CCT8: variants seen among roughly 807,000 people sequenced by gnomAD.
CCT8 encodes the protein chaperonin containing TCP1 subunit 8.
In CCT8, 10 loss-of-function variants were observed where a neutral mutation model predicts 65.7. That is an observed-to-expected ratio of 0.15 (90% confidence interval 0.09 to 0.26). The LOEUF is 0.26. CCT8 is among the 10% of genes least tolerant of loss of function. The pLI is 1.00. For missense variants in CCT8, 568 were observed against 669.1 expected, an observed-to-expected ratio of 0.85 and a Z score of 1.67; for synonymous variants, 199 against 221.8, an observed-to-expected ratio of 0.90 and a Z score of 0.92.
chr21:29,069,568 C>A, intron 2 of CCT8, 66 bp from the exon 3 acceptor site: 5 of 892,142 alleles, frequency 5.6e-6, no homozygotes, highest in Admixed American at 2.7e-5. Flanking sequence ...CCCAAATACC[C>A]AGGAAAATCT....
In CCT8 at chr21:29,063,420, T is replaced by G. The variant is rs199710268; in HGVS notation, c.873A>C (p.Val291=). ...KAIADTGANV[V]VTGGKVADMA... The stretch of plus-strand genomic sequence containing the variant: ...TGTCTGCCACTTTGCCACCTGTTAC[T>G]ACGACATTTGCACCAGTATCAGCAA... Residue 291 remains valine (V), a synonymous_variant, in exon 8 of 15, where the codon GTA becomes GTC. Coordinates refer to ENST00000286788, the MANE Select transcript of CCT8 (RefSeq NM_006585.4). The G allele has an allele frequency of 4.3e-6, 7 of 1,613,982 alleles. No individual in the cohort carries two copies. Among genetic ancestry groups the G allele is most frequent in the Admixed American group, 1.7e-5 (1 of 60,010 alleles).
At chr21:29,059,692 T>C (rs1481893550) in intron 14 of CCT8, 1 of 152,224 alleles carries the variant, frequency 6.6e-6, no homozygotes, top group Non-Finnish European at 1.5e-5. Flanking sequence ...TACATAAACA[T>C]CTAGTTTCTG....
At chr21:29,064,211 A>G (rs2085594920) in intron 7 of CCT8, among the ~76,000 whole-genome samples, 1 of 151,600 alleles carries the variant, frequency 6.6e-6, no homozygotes, top group African/African-American at 2.4e-5. Flanking sequence ...CATGCCTGTA[A>G]TCCTAGCACT....
intron 14 of CCT8, among the ~76,000 whole-genome samples, chr21:29,058,872 G>A (rs190631514): frequency 6.0e-4 from 91 of 152,120 alleles, no homozygotes; most frequent in South Asian, 2.1e-3. Context: ...GATTACAGGC[G>A]TGAGCCACCG....
At chr21:29,073,034 T>C (rs1180642033) in intron 1 of CCT8, among the ~76,000 whole-genome samples, 1 of 152,216 alleles carries the variant, frequency 6.6e-6, no homozygotes, top group Non-Finnish European at 1.5e-5. Flanking sequence ...CTGAAAGCCG[T>C]ATGTTTCTCA....
chr21:29,061,372 C>T lies in CCT8; in HGVS notation c.1330G>A (p.Ala444Thr). The change falls in exon 13 of 15, where the codon GCA becomes ACA. Residue 444 changes from alanine (A) to threonine (T), a missense_variant. Coordinates refer to ENST00000286788, the MANE Select transcript of CCT8 (RefSeq NM_006585.4). ...AGTGCGCGGGGAATAGCTTCAAATG[C>T]CTCAGCAAACTTCTTAATAGCATAC... ...EQYAIKKFAE[A>T]FEAIPRALAE... 1.9e-6 allele frequency: 3 copies of T among 1,613,984 alleles called. No homozygotes were observed. In the South Asian group the frequency reaches 3.3e-5, roughly 18 times the overall value.
At chr21:29,072,069 G>C in intron 1 of CCT8, 1 of 654,050 alleles carries the variant, frequency 1.5e-6, no homozygotes, top group Non-Finnish European at 2.7e-6. Flanking sequence ...GTTAGTCCCT[G>C]AGCCTGGCAT....
At chr21:29,062,653 T>A in intron 8 of CCT8, 97 bp from the exon 9 acceptor site, 1 of 887,338 alleles carries the variant, frequency 1.1e-6, no homozygotes, top group Non-Finnish European at 1.8e-6. Context: ...AGCCCCCATG[T>A]CACATTCCTT....
intron 14 of CCT8, chr21:29,057,968 A>G (rs1303723460): frequency 6.6e-6 from 1 of 151,872 alleles, no homozygotes; most frequent in African/African-American, 2.4e-5. Flanking sequence ...TGAGCTGATT[A>G]TGATTGTGCC....
In CCT8 at chr21:29,056,585, T is replaced by A. The variant is rs1482780155; in HGVS notation, c.1570-33A>T. The A allele has an allele frequency of 3.7e-6, 5 of 1,351,226 alleles. No individual in the cohort carries two copies. The African/African-American group carries it at 5.9e-5, about 16-fold the overall frequency. The allele number at this position is 1,351,226 out of a possible 1,614,324, so 83.7% of individuals were successfully genotyped here. A position where few individuals can be genotyped will look rare whatever the true frequency, so the allele number is the denominator to read the frequency against. On this transcript the variant is annotated intron_variant, in intron 14 of 14. Transcript: ENST00000286788. ...AAAAAGAATCACACAAGAGTATGCT[T>A]ATCAACTTAACCTTTAGAATGAAAA...
At chr21:29,073,459 C>T in intron 1 of CCT8, 72 bp downstream of exon 1, 2 of 1,610,126 alleles carry the variant, frequency 1.2e-6, no homozygotes, top group Non-Finnish European at 1.7e-6. Flanking sequence ...GTTAGTAGGC[C>T]CTCCTACTTC....
intron 2 of CCT8, among the ~76,000 whole-genome samples, chr21:29,069,935 C>T (rs1305855398): frequency 6.6e-6 from 1 of 152,200 alleles, no homozygotes. Flanking sequence ...AGAGAATTTT[C>T]TTCCTTAAAC....
In CCT8 at chr21:29,061,573, T is replaced by C. The variant is rs772638602; in HGVS notation, c.1213-6A>G. On this transcript the variant is annotated splice_polypyrimidine_tract_variant and splice_region_variant and intron_variant, in intron 11 of 14. Transcript: ENST00000286788. ...CCGGGTACAAGACGTTTATCCTGTA[T>C]GTAGCGCCCCCACCAAAAAAAAAAT... The C allele has an allele frequency of 1.2e-6, 2 of 1,610,094 alleles. No homozygotes were observed. Among genetic ancestry groups the C allele is most frequent in the Non-Finnish European group, 1.7e-6 (2 of 1,178,758 alleles).
Position 29,073,601 on chromosome 21 carries a change from C to T in CCT8, c.-11G>A, listed in dbSNP as rs1446859537. 10 of 1,613,778 alleles carry T rather than the reference C, an allele frequency of 6.2e-6. No homozygotes were observed. The highest frequency in any genetic ancestry group is 1.3e-5 in the African/African-American group (1 of 74,944). On this transcript the variant is annotated 5_prime_UTR_variant, in exon 1 of 15. Transcript: ENST00000286788. ...AACGTGAAGCGCCATGGCCAGCCTG[C>T]AGGAAGCAGTTCACGCGACCGCTCG...
chr21:29,071,862 C>A, intron 1 of CCT8: 1 of 686,222 alleles, frequency 1.5e-6, no homozygotes, highest in South Asian at 1.5e-5. Context: ...AATGGTTTCC[C>A]AACCAGCTTA....
intron 4 of CCT8, 52 bp from the exon 5 acceptor site, chr21:29,067,123 T>C (rs781209136): frequency 7.3e-7 from 1 of 1,379,230 alleles, no homozygotes; most frequent in Non-Finnish European, 1.0e-6. Flanking sequence ...GTAGCTTATT[T>C]TGGTAACCCA....
chr21:29,063,606 C>CT (rs1264901926), intron 7 of CCT8, 76 bp from the exon 8 acceptor site: 1 of 1,449,772 alleles, frequency 6.9e-7, no homozygotes, highest in East Asian at 2.3e-5. Flanking sequence ...TAATAGTTGA[C>CT]TGAAGAAATA....
Position 29,062,132 on chromosome 21 carries a change from G to A in CCT8, c.1208C>T (p.Thr403Ile), listed in dbSNP as rs772618385. The change falls in exon 11 of 15, where the codon ACA becomes ATA. Residue 403 changes from threonine (T) to isoleucine (I), a missense_variant. Coordinates refer to ENST00000286788, the MANE Select transcript of CCT8 (RefSeq NM_006585.4). Reference protein sequence around the residue: ...DDGVNTFKVLTRDKRLVPGGG... With the variant: ...DDGVNTFKVLIRDKRLVPGGG... ...AAGAATATTGCTGATACTGACCCTT[G>A]TAAGAACTTTGAAAGTATTAACACC... 6.3e-7 allele frequency: 1 copy of A among 1,596,816 alleles called. No homozygotes were observed. The highest frequency in any genetic ancestry group is 1.1e-5 in the South Asian group (1 of 90,722).
Position 29,056,490 on chromosome 21 carries a change from A to G in CCT8, c.1632T>C (p.Asp544=), listed in dbSNP as rs761892081. The G allele has an allele frequency of 2.6e-6, 4 of 1,530,496 alleles. No individual in the cohort carries two copies. The highest frequency in any genetic ancestry group is 2.0e-5 in the Admixed American group (1 of 48,892). The allele number at this position is 1,530,496 out of a possible 1,614,324, so 94.8% of individuals were successfully genotyped here. A position where few individuals can be genotyped will look rare whatever the true frequency, so the allele number is the denominator to read the frequency against. Residue 544 remains aspartate, a synonymous_variant, in exon 15 of 15, where the codon GAT becomes GAC. Coordinates refer to ENST00000286788, the MANE Select transcript of CCT8 (RefSeq NM_006585.4). ...TAAGCCAATTTCAATCATTTTGGTC[A>G]TCATCCCAGTCTTTCTTCCCACTTG... ...KPPSGKKDWD[D]DQND
Sources: allele counts gnomAD v4.1 joint callset (sites outside exome capture counted in the v4.1 genomes callset), GRCh38; gene constraint gnomAD v4.1.1; transcripts MANE v1.5; gene names NCBI Gene and HGNC (gene_info 2026-07-23, HGNC 2026-07-21).